Variants in MECOM observed in about 807,000 individuals in gnomAD.
MECOM encodes the protein MDS1 and EVI1 complex locus, also known as histone-lysine N-methyltransferase MECOM.
MECOM carries 13 observed loss-of-function variants against 116.3 expected under a neutral mutation model. The observed-to-expected ratio is 0.11, with a 90% CI of 0.07 to 0.18. The LOEUF is 0.18. Ranked by LOEUF, MECOM falls within the 10% of genes least tolerant of loss-of-function variation. MECOM has a pLI of 1.00. For synonymous variants in MECOM, 528 were observed against 535.2 expected, an observed-to-expected ratio of 0.99 and a Z score of 0.19; for missense variants, 1,299 against 1,509.0, an observed-to-expected ratio of 0.86 and a Z score of 2.31.
At chr3:169,267,125 G>C (rs1423044052) in intron 2 of MECOM, among the ~76,000 whole-genome samples, 1 of 152,222 alleles carries the variant, frequency 6.6e-6, no homozygotes. Context: ...ACCATGTTGA[G>C]AATGTGAGAT....
chr3:169,234,184 C>T lies in MECOM; in HGVS notation c.376-90352G>A, dbSNP rs148564930. 8.2e-3 allele frequency among the ~76,000 whole-genome samples: 1,252 copies of T among 151,856 alleles called. 12 individuals are homozygous for T. The highest frequency in any genetic ancestry group is 0.028 in the African/African-American group (1,178 of 41,410). On this transcript the variant is annotated intron_variant, in intron 2 of 16. Coordinates refer to ENST00000651503, the MANE Select transcript of MECOM (RefSeq NM_004991.4). The stretch of plus-strand genomic sequence containing the variant: ...CTACCATGGAAAGAATAGAAACAGA[C>T]CTGAAAAGGCTGAAAAGGTGAGTTT...
intron 1 of MECOM, among the ~76,000 whole-genome samples, chr3:169,524,592 T>C (rs1302693273): frequency 2.0e-5 from 3 of 152,214 alleles, no homozygotes; most frequent in African/African-American, 7.2e-5. Flanking sequence ...TTTGACATTT[T>C]GCATTTCAAG....
intron 2 of MECOM, among the ~76,000 whole-genome samples, chr3:169,264,413 T>C (rs968376161): frequency 2.0e-5 from 3 of 152,198 alleles, no homozygotes; most frequent in African/African-American, 7.2e-5. Flanking sequence ...TTTTATTGTA[T>C]CGGTATTTTA....
At chr3:169,419,745 A>G (rs1450515218) in intron 1 of MECOM, among the ~76,000 whole-genome samples, 1 of 152,246 alleles carries the variant, frequency 6.6e-6, no homozygotes, top group African/African-American at 2.4e-5. Context: ...AACAAAAGCC[A>G]AAATTGACAA....
At chr3:169,482,752 C>T (rs1751520765) in intron 1 of MECOM, among the ~76,000 whole-genome samples, 1 of 152,194 alleles carries the variant, frequency 6.6e-6, no homozygotes, top group Admixed American at 6.5e-5. Context: ...TATTAACCTA[C>T]TCTGAGCAGA....
intron 1 of MECOM, among the ~76,000 whole-genome samples, chr3:169,467,664 A>G (rs1163085630): frequency 6.6e-6 from 1 of 152,172 alleles, no homozygotes; most frequent in Non-Finnish European, 1.5e-5. Flanking sequence ...GTAGTCTCCT[A>G]CCGCTGGCTA....
intron 1 of MECOM, among the ~76,000 whole-genome samples, chr3:169,453,934 T>G (rs905007589): frequency 4.6e-5 from 7 of 152,058 alleles, no homozygotes; most frequent in African/African-American, 1.7e-4. Flanking sequence ...AAAAAAACTC[T>G]GTTATCAGAG....
At chr3:169,121,008 G>C in intron 7 of MECOM, 48 bp downstream of exon 7, 1 of 1,550,596 alleles carries the variant, frequency 6.4e-7, no homozygotes, top group African/African-American at 1.4e-5. Flanking sequence ...AGTGCCTTTT[G>C]GGGAAGAGAC....
rs773749114 is a variant in MECOM, at chr3:169,102,056, T to C, written c.2771+4A>G. 2.1e-5 allele frequency: 34 copies of C among 1,610,370 alleles called. No homozygotes were observed. The East Asian group carries it at 6.9e-4, about 33-fold the overall frequency. Reference sequence around the variant, plus strand: ...AAGTCAGCCATAATTAACTGTGCAGTTACCTGCAGGTATAGCGCTCCTTTC... The same window carrying C: ...AAGTCAGCCATAATTAACTGTGCAGCTACCTGCAGGTATAGCGCTCCTTTC... On this transcript the variant is annotated splice_donor_region_variant and intron_variant, in intron 11 of 16. Transcript: ENST00000651503.
intron 1 of MECOM, among the ~76,000 whole-genome samples, chr3:169,499,346 C>CA (rs60302997): frequency 0.092 from 4,765 of 51,516 alleles, 768 homozygotes; most frequent in African/African-American, 0.17. Context: ...AGATTACCCA[C>CA]AAAAAAAAAA....
At chr3:169,542,026 T>C (rs1250291747) in intron 1 of MECOM, among the ~76,000 whole-genome samples, 1 of 152,180 alleles carries the variant, frequency 6.6e-6, no homozygotes, top group Admixed American at 6.5e-5. Context: ...ATATAAAAGA[T>C]GTTAAAACGT....
chr3:169,577,337 C>G (rs1386051612), intron 1 of MECOM, among the ~76,000 whole-genome samples: 3 of 152,162 alleles, frequency 2.0e-5, no homozygotes, highest in Admixed American at 6.5e-5. Flanking sequence ...TGATGCTTAT[C>G]AGTAAACCCT....
At chr3:169,369,735 T>TA (rs1244585093) in intron 2 of MECOM, among the ~76,000 whole-genome samples, 4 of 151,994 alleles carry the variant, frequency 2.6e-5, no homozygotes, top group Non-Finnish European at 4.4e-5. Flanking sequence ...TCCCATTAAC[T>TA]AATCTTCACT....
chr3:169,544,807 G>T (rs1451153986), intron 1 of MECOM, among the ~76,000 whole-genome samples: 2 of 152,178 alleles, frequency 1.3e-5, no homozygotes, highest in Admixed American at 1.3e-4. Context: ...ACTCATAAGT[G>T]GGAGTTGAAC....
At chr3:169,549,966 T>C (rs757926943) in intron 1 of MECOM, among the ~76,000 whole-genome samples, 1 of 152,114 alleles carries the variant, frequency 6.6e-6, no homozygotes, top group African/African-American at 2.4e-5. Context: ...ATCCTCACCA[T>C]TCTGGCGCAA....
intron 2 of MECOM, among the ~76,000 whole-genome samples, chr3:169,304,755 T>C (rs1427815619): frequency 6.6e-6 from 1 of 152,240 alleles, no homozygotes; most frequent in Non-Finnish European, 1.5e-5. Flanking sequence ...TGATTATAAA[T>C]ATAACTTTGG....
intron 1 of MECOM, among the ~76,000 whole-genome samples, chr3:169,497,943 G>A (rs1038505346): frequency 6.6e-6 from 1 of 152,174 alleles, no homozygotes; most frequent in Admixed American, 6.5e-5. Context: ...CCTCAGAAAT[G>A]TGTGAATCAC....
chr3:169,340,200 GCTGT>G lies in MECOM; in HGVS notation c.375+40983_375+40986del, dbSNP rs553553224. Among the ~76,000 whole-genome samples the G allele has an allele frequency of 2.0e-3, 305 of 152,254 alleles. 1 individual carries two copies. Among genetic ancestry groups the G allele is most frequent in the South Asian group, 6.6e-3 (32 of 4,816 alleles). On this transcript the variant is annotated intron_variant, in intron 2 of 16. Transcript: ENST00000651503. ...TGCATCACAAACAAAAATGAATGAA[GCTGT>G]CTGAGGAGAAAATTCCGTAGTAGCT...
At chr3:169,386,480 C>T (rs1733334816) in intron 1 of MECOM, among the ~76,000 whole-genome samples, 1 of 152,088 alleles carries the variant, frequency 6.6e-6, no homozygotes, top group Non-Finnish European at 1.5e-5. Context: ...TTATCAAAAT[C>T]GTAGCCATAA....
Sources: allele counts gnomAD v4.1 joint callset (sites outside exome capture counted in the v4.1 genomes callset), GRCh38; gene constraint gnomAD v4.1.1; transcripts MANE v1.5; gene names NCBI Gene and HGNC (gene_info 2026-07-23, HGNC 2026-07-21).